The following PKD1L1 variants were observed in gnomAD, a reference collection of about 807,000 sequenced individuals.
PKD1L1 encodes polycystin-1-like protein 1.
PKD1L1 carries 236 observed loss-of-function variants against 323.4 expected under a neutral mutation model. The ratio of observed to expected loss-of-function variants is 0.73; its 90% CI spans 0.66 to 0.81. The LOEUF (loss-of-function observed/expected upper bound fraction) is 0.81, where lower values mean the gene tolerates loss of function less well. PKD1L1 is among the 40% of genes least tolerant of loss of function. PKD1L1 has a pLI of 0.00. For synonymous variants in PKD1L1, 1,344 were observed against 1,335.0 expected (o/e 1.01, Z -0.15); for missense variants, 3,320 against 3,508.0 (o/e 0.95, Z 1.35).
chr7:47,927,820 T>C (rs1330442040), intron 7 of PKD1L1, among the ~76,000 whole-genome samples: 1 of 152,256 alleles, frequency 6.6e-6, no homozygotes, highest in Non-Finnish European at 1.5e-5. Context: ...CAGATGCACA[T>C]AGCATTTGAG....
At chr7:47,790,657 G>A (rs1053976844) in intron 56 of PKD1L1, among the ~76,000 whole-genome samples, 1 of 152,120 alleles carries the variant, frequency 6.6e-6, no homozygotes, top group African/African-American at 2.4e-5. Flanking sequence ...TAACTCACTT[G>A]GAGATGACTT....
chr7:47,929,915 C>T (rs1379482860), intron 6 of PKD1L1, among the ~76,000 whole-genome samples: 2 of 152,220 alleles, frequency 1.3e-5, no homozygotes, highest in African/African-American at 4.8e-5. Flanking sequence ...CCACAAGTCA[C>T]TACTTCCTGT....
intron 20 of PKD1L1, 22 bp downstream of exon 20, chr7:47,881,887 G>T: frequency 6.5e-7 from 1 of 1,541,510 alleles, no homozygotes; most frequent in South Asian, 1.3e-5. Context: ...CAAATTGGAG[G>T]GTACAAAGAG....
At chr7:47,960,387 A>AAC in the PKD1L1 span, among the ~76,000 whole-genome samples, 4 of 133,060 alleles carry the variant, frequency 3.0e-5, no homozygotes, top group South Asian at 2.3e-4. Flanking sequence ...TAAAAAAAAA[A>AAC]AAAAAAACTG....
At chr7:47,820,445 C>A (rs1434441207) in intron 46 of PKD1L1, among the ~76,000 whole-genome samples, 1 of 152,164 alleles carries the variant, frequency 6.6e-6, no homozygotes, top group African/African-American at 2.4e-5. Flanking sequence ...AAACTGAAGG[C>A]CGGGCGTAGT....
chr7:47,960,398 T>TAAA, the PKD1L1 span, among the ~76,000 whole-genome samples: 237 of 107,516 alleles, frequency 2.2e-3, 15 homozygotes, highest in South Asian at 6.6e-3. Context: ...AAAAAAACTG[T>TAAA]AAAAAAGAAA....
At chr7:47,897,874 C>A in intron 14 of PKD1L1, 114 bp downstream of exon 14, 2 of 802,818 alleles carry the variant, frequency 2.5e-6, no homozygotes, top group African/African-American at 1.8e-5. Flanking sequence ...TTTAAACAAC[C>A]TCCCTTTTCC....
At chr7:47,951,527 G>C (rs557812129), upstream of PKD1L1, among the ~76,000 whole-genome samples, 9 of 152,294 alleles carry the variant, frequency 5.9e-5, no homozygotes, top group South Asian at 1.9e-3. Flanking sequence ...CCTGAAAGTA[G>C]GTAGCACTGC....
the PKD1L1 span, among the ~76,000 whole-genome samples, chr7:47,960,058 C>G: frequency 6.6e-6 from 1 of 152,022 alleles, no homozygotes; most frequent in Admixed American, 6.6e-5. Flanking sequence ...TCCTGTTGAT[C>G]AGTGACCCTA....
intron 7 of PKD1L1, among the ~76,000 whole-genome samples, chr7:47,919,426 A>G (rs536554131): frequency 6.6e-6 from 1 of 152,292 alleles, no homozygotes; most frequent in Admixed American, 6.5e-5. Flanking sequence ...ACGAATTCAC[A>G]GGAAAATTCC....
At chr7:47,815,135 A>G (rs1242675311) in intron 47 of PKD1L1, among the ~76,000 whole-genome samples, 199 bp downstream of exon 47, 7 of 152,194 alleles carry the variant, frequency 4.6e-5, no homozygotes, top group African/African-American at 1.7e-4. Context: ...AGCAGGGTGT[A>G]ATGGGATGGG....
intron 36 of PKD1L1, 77 bp from the exon 37 acceptor site, chr7:47,837,171 A>T (rs957508471): frequency 1.3e-5 from 20 of 1,515,154 alleles, no homozygotes; most frequent in Non-Finnish European, 1.8e-5. Context: ...TTAAGCAGTG[A>T]TCTTCTGAGC....
chr7:47,811,275 C>T (rs1474277328), intron 50 of PKD1L1, among the ~76,000 whole-genome samples: 2 of 152,052 alleles, frequency 1.3e-5, no homozygotes, highest in African/African-American at 4.8e-5. Flanking sequence ...CGCCTTCAGC[C>T]TCCCAAGTAG....
chr7:47,931,509 A>G (rs1432066120), intron 5 of PKD1L1, among the ~76,000 whole-genome samples, 188 bp from the exon 6 acceptor site: 1 of 152,220 alleles, frequency 6.6e-6, no homozygotes, highest in Non-Finnish European at 1.5e-5. Flanking sequence ...TAGGATTCAC[A>G]CTTTCCAGCA....
At chr7:47,933,095 G>T (rs984715153) in intron 4 of PKD1L1, among the ~76,000 whole-genome samples, 1 of 152,140 alleles carries the variant, frequency 6.6e-6, no homozygotes, top group African/African-American at 2.4e-5. Context: ...TTTATCTGAG[G>T]AATGCGAGTC....
Position 47,904,500 on chromosome 7 carries a change from CAGAGCTG to C in PKD1L1, c.1802_1808del (p.Ser601TrpfsTer2). On this transcript the variant is annotated frameshift_variant, in exon 12 of 57. Transcript: ENST00000289672. LOFTEE classifies it high-confidence loss of function. The stretch of plus-strand genomic sequence containing the variant: ...ACTCAAAGGCCACACTGGCATTTAC[CAGAGCTG>C]AGGAGGGGGACGTGAGCCGATTGGC... 6.2e-7 allele frequency: 1 copy of C among 1,614,146 alleles called. No individual in the cohort carries two copies. The highest frequency in any genetic ancestry group is 8.5e-7 in the Non-Finnish European group (1 of 1,180,034).
intron 33 of PKD1L1, among the ~76,000 whole-genome samples, chr7:47,844,629 C>T (rs1037370090): frequency 2.0e-5 from 3 of 152,120 alleles, no homozygotes; most frequent in African/African-American, 7.2e-5. Flanking sequence ...TAGGCTGTGA[C>T]AATAAACATA....
Position 47,857,688 on chromosome 7 carries a change from C to T in PKD1L1, c.4507G>A (p.Ala1503Thr). The T allele has an allele frequency of 6.2e-7, 1 of 1,614,152 alleles. No individual in the cohort carries two copies. The highest frequency in any genetic ancestry group is 8.5e-7 in the Non-Finnish European group (1 of 1,180,032). ...GDLAGHSPAG[A>T]ETQSPCYISQ... is the part of the protein sequence containing the mutation. ...ATGTAGCATGGGCTCTGTGTCTCCG[C>T]CCCAGCAGGACTGTGCCCAGCAAGG... The change falls in exon 28 of 57, where the codon GCG becomes ACG. Residue 1503 changes from alanine to threonine, a missense_variant. Physicochemically the swap from Ala to Thr is moderately conservative, Grantham distance 58. Transcript: ENST00000289672.
chr7:47,849,322 T>A (rs1436819509), intron 31 of PKD1L1, among the ~76,000 whole-genome samples: 1 of 152,000 alleles, frequency 6.6e-6, no homozygotes, highest in Non-Finnish European at 1.5e-5. Context: ...CAAAAGCAAA[T>A]GCAATGAAAA....
Sources: gnomAD v4.1 joint callset for allele counts (sites outside exome capture counted in the v4.1 genomes callset) on GRCh38, gnomAD v4.1.1 for gene constraint, MANE v1.5 for transcripts, NCBI Gene and HGNC (gene_info 2026-07-23, HGNC 2026-07-21) for gene names.